CHD6: variants seen among roughly 807,000 people sequenced by gnomAD.
CHD6 encodes the protein chromodomain helicase DNA binding protein 6, also known as ATP-dependent chromatin remodeler CHD6.
In CHD6, 50 loss-of-function variants were observed where a neutral mutation model predicts 276.9. The ratio of observed to expected loss-of-function variants is 0.18; its 90% CI spans 0.14 to 0.23. CHD6 has a LOEUF of 0.23. Among genes scored for constraint, CHD6 ranks in the 10% least tolerant of loss-of-function variants. The pLI is 1.00. For missense variants in CHD6, 2,564 were observed against 3,365.8 expected (o/e 0.76, Z 5.89); for synonymous variants, 1,173 against 1,229.3 (o/e 0.95, Z 0.96).
Position 41,514,830 on chromosome 20 carries a change from T to G in CHD6, c.677A>C (p.Glu226Ala). ...CTGGCTGTCTGTAGACTCAGTGGAC[T>G]CCTCAGGACTCCGCAGAGATGGGTT... ...LTNPSLRSPE[E>A]STESTDSQKR... The change falls in exon 4 of 37, where the codon GAG becomes GCG. Residue 226 changes from glutamate to alanine, a missense_variant. Coordinates refer to ENST00000373233, the MANE Select transcript of CHD6 (RefSeq NM_032221.5). 6.2e-7 allele frequency: 1 copy of G among 1,613,914 alleles called. No individual in the cohort carries two copies. The highest frequency in any genetic ancestry group is 8.5e-7 in the Non-Finnish European group (1 of 1,179,908).
At chr20:41,515,322 A>T (rs1231840489) in intron 3 of CHD6, among the ~76,000 whole-genome samples, 1 of 152,208 alleles carries the variant, frequency 6.6e-6, no homozygotes, top group Non-Finnish European at 1.5e-5. Flanking sequence ...AGGAAGAGAC[A>T]TCTCCCTAAT....
intron 23 of CHD6, among the ~76,000 whole-genome samples, chr20:41,449,843 T>G (rs1269028016): frequency 6.6e-6 from 1 of 152,244 alleles, no homozygotes; most frequent in Non-Finnish European, 1.5e-5. Flanking sequence ...GGTATTCCCT[T>G]ACAGTTACAT....
chr20:41,411,602 T>C (rs1052275361), intron 36 of CHD6, among the ~76,000 whole-genome samples: 2 of 152,222 alleles, frequency 1.3e-5, no homozygotes, highest in African/African-American at 4.8e-5. Context: ...TTTGTACTAA[T>C]CTGTAAACTA....
At chr20:41,546,425 A>G (rs1027780282) in intron 2 of CHD6, among the ~76,000 whole-genome samples, 2 of 152,186 alleles carry the variant, frequency 1.3e-5, no homozygotes, top group African/African-American at 4.8e-5. Context: ...TTCATTGCTT[A>G]TTAACTGTCT....
In CHD6 at chr20:41,563,993, G is replaced by C. The variant is rs1445053110; in HGVS notation, c.-23-12633C>G. 5.2e-6 allele frequency: 4 copies of C among 767,144 alleles called. No individual in the cohort carries two copies. In the South Asian group the frequency reaches 5.6e-5, roughly 11 times the overall value. 47.5% of individuals were successfully genotyped at this position (767,144 alleles called of 1,614,324 possible). On this transcript the variant is annotated intron_variant, in intron 1 of 36. Coordinates refer to ENST00000373233, the MANE Select transcript of CHD6 (RefSeq NM_032221.5). The stretch of plus-strand genomic sequence containing the variant: ...CACTCATTACATTTTAATGTCTTTT[G>C]TGGTAGAACAGCAGTACCTGTAGAC...
chr20:41,462,712 G>A (rs2042830503), intron 17 of CHD6, among the ~76,000 whole-genome samples: 1 of 152,116 alleles, frequency 6.6e-6, no homozygotes, highest in Non-Finnish European at 1.5e-5. Context: ...ATACATAAAG[G>A]TACAGAAATA....
At chr20:41,414,848 C>G (rs531919804) in intron 34 of CHD6, 21 of 1,184,410 alleles carry the variant, frequency 1.8e-5, no homozygotes, top group Non-Finnish European at 2.1e-5. Context: ...CTCACTACCC[C>G]GGAGAAAAGC....
chr20:41,500,250 C>A (rs564065604), intron 5 of CHD6, among the ~76,000 whole-genome samples: 31 of 152,086 alleles, frequency 2.0e-4, no homozygotes, highest in African/African-American at 7.2e-4. Flanking sequence ...CTGGCTGGAA[C>A]GTCCCAGAAG....
At position 41,585,513 on chromosome 20, in the gene CHD6, A is replaced by G. The variant is rs76980746; in HGVS notation, c.-24+32827T>C. ...ACAAGAGTGAAACTCCGTCTCACCAAAAAAAAAAAAAAAAAAAAGAAACAG... is the reference window on the plus strand; with the variant it reads ...ACAAGAGTGAAACTCCGTCTCACCAGAAAAAAAAAAAAAAAAAAGAAACAG... On this transcript the variant is annotated intron_variant, in intron 1 of 36. Transcript: ENST00000373233. Among the ~76,000 whole-genome samples the G allele has an allele frequency of 5.5e-5, 5 of 91,614 alleles. No homozygotes were observed. In the South Asian group the frequency reaches 1.5e-3, roughly 27 times the overall value. 60.1% of individuals were successfully genotyped at this position (91,614 alleles called of 152,430 possible).
In CHD6 at chr20:41,512,758, T is replaced by C. The variant is rs182570939; in HGVS notation, c.852+88A>G. The C allele has an allele frequency of 2.3e-3, 3,392 of 1,472,128 alleles. 3 individuals carry two copies. Among genetic ancestry groups the C allele is most frequent in the Non-Finnish European group, 2.7e-3 (2,904 of 1,065,438 alleles). The allele number at this position is 1,472,128 out of a possible 1,614,324, so 91.2% of individuals were successfully genotyped here. A position where few individuals can be genotyped will look rare whatever the true frequency, so the allele number is the denominator to read the frequency against. The stretch of plus-strand genomic sequence containing the variant: ...GCAGCAGTTAAAATGATCTGACTTA[T>C]GCTTTAGCAAAGGCCAAGAAACACG... On this transcript the variant is annotated intron_variant, in intron 5 of 36. Transcript: ENST00000373233.
intron 1 of CHD6, among the ~76,000 whole-genome samples, chr20:41,608,836 GC>G (rs2045856239): frequency 6.6e-6 from 1 of 152,098 alleles, no homozygotes; most frequent in Non-Finnish European, 1.5e-5. Flanking sequence ...ACTCATAAGG[GC>G]AACAACAAAA....
Position 41,420,799 on chromosome 20 carries a change from A to G in CHD6, c.5836T>C (p.Trp1946Arg). 1 of 1,614,086 alleles carries G rather than the reference A, an allele frequency of 6.2e-7. No individual in the cohort carries two copies. Among genetic ancestry groups the G allele is most frequent in the Non-Finnish European group, 8.5e-7 (1 of 1,180,012 alleles). The change falls in exon 31 of 37, where the codon TGG becomes CGG. Residue 1946 changes from tryptophan to arginine, a missense_variant. Trp to Arg is a moderately radical substitution (Grantham distance 101). Around this residue, in one of 7 missense-constraint regions of CHD6, gnomAD observed 1,024 missense variants for 1,047.9 expected, o/e 0.98. Transcript: ENST00000373233. ...TCATCATTCTCGAGGCCATGCATCCACCTCTCCATGTGTTTGCAGTGGCAC... is the reference window on the plus strand; with the variant it reads ...TCATCATTCTCGAGGCCATGCATCCGCCTCTCCATGTGTTTGCAGTGGCAC... ...CQCHCKHMER[W>R]MHGLENDEFE...
Position 41,421,804 on chromosome 20 carries a change from C to T in CHD6, c.4831G>A (p.Ala1611Thr), listed in dbSNP as rs763109483. 1 of 1,614,206 alleles carries T rather than the reference C, an allele frequency of 6.2e-7. No homozygotes were observed. Among genetic ancestry groups the T allele is most frequent in the Non-Finnish European group, 8.5e-7 (1 of 1,180,040 alleles). ...MNDPQLSFLD[A>T]YRNYAQHKRS... ...TTATGCTGGGCATAGTTTCTATAGG[C>T]ATCCAGGAAGGACAGCTGGGGGTCG... Residue 1611 changes from alanine (A) to threonine (T), a missense_variant, in exon 31 of 37, where the codon GCC becomes ACC. Physicochemically the swap from Ala to Thr is moderately conservative, Grantham distance 58 (BLOSUM62 0). Coordinates refer to ENST00000373233, the MANE Select transcript of CHD6 (RefSeq NM_032221.5).
At chr20:41,595,078 G>C (rs540637625) in intron 1 of CHD6, among the ~76,000 whole-genome samples, 6 of 152,320 alleles carry the variant, frequency 3.9e-5, no homozygotes, top group African/African-American at 1.2e-4. Flanking sequence ...CATCTCTTGT[G>C]AGGAGATGTG....
chr20:41,483,729 T>A (rs1046489235), intron 15 of CHD6, among the ~76,000 whole-genome samples: 1 of 152,140 alleles, frequency 6.6e-6, no homozygotes, highest in Non-Finnish European at 1.5e-5. Flanking sequence ...TCCACTCTCC[T>A]GGGAAGTCTC....
intron 35 of CHD6, 29 bp from the exon 36 acceptor site, chr20:41,412,292 A>G: frequency 1.9e-6 from 3 of 1,612,768 alleles, no homozygotes; most frequent in Non-Finnish European, 2.5e-6. Context: ...CCAATATTAC[A>G]AAACATGCTA....
In CHD6 at chr20:41,548,841, CAG is replaced by C. The variant is rs1257536986; in HGVS notation, c.33+2462_33+2463del. ...TCAAAAAGTAGGCAAAGGATATGAACAGACACTTCTCAAAAGAAGACATTTAT... is the reference window on the plus strand; with the variant it reads ...TCAAAAAGTAGGCAAAGGATATGAACACACTTCTCAAAAGAAGACATTTAT... On this transcript the variant is annotated intron_variant, in intron 2 of 36. Transcript: ENST00000373233. 2.6e-5 allele frequency among the ~76,000 whole-genome samples: 4 copies of C among 151,820 alleles called. No individual in the cohort carries two copies. In the East Asian group the frequency reaches 5.8e-4, roughly 22 times the overall value.
At chr20:41,571,984 T>C (rs1488611297) in intron 1 of CHD6, among the ~76,000 whole-genome samples, 1 of 152,242 alleles carries the variant, frequency 6.6e-6, no homozygotes, top group Admixed American at 6.5e-5. Context: ...TGTAGATTAG[T>C]TTTACCTGTC....
intron 3 of CHD6, among the ~76,000 whole-genome samples, chr20:41,517,028 C>T (rs6093491): frequency 1.1e-4 from 16 of 152,186 alleles, no homozygotes; most frequent in Admixed American, 5.9e-4. Flanking sequence ...CTCAATCTGC[C>T]TGCTTCCCTC....
Sources: gnomAD v4.1 joint callset for allele counts (sites outside exome capture counted in the v4.1 genomes callset) on GRCh38, gnomAD v4.1.1 for gene constraint, gnomAD v4.1.1 regional missense constraint, MANE v1.5 for transcripts, NCBI Gene and HGNC (gene_info 2026-07-23, HGNC 2026-07-21) for gene names.